DLD: variants seen among roughly 807,000 people sequenced by gnomAD.
The protein encoded by DLD is dihydrolipoyl dehydrogenase, mitochondrial.
Under a neutral mutation model 62.2 loss-of-function variants are expected in DLD, and 36 were observed. The ratio of observed to expected loss-of-function variants is 0.58; its 90% CI spans 0.44 to 0.76. The LOEUF is 0.76. Among genes scored for constraint, DLD ranks in the 30% least tolerant of loss-of-function variants. The pLI is 0.00. For synonymous variants in DLD, 204 were observed against 199.6 expected (o/e 1.02, Z -0.19); for missense variants, 541 against 608.6 (o/e 0.89, Z 1.17).
At chr7:107,902,440 C>T in intron 4 of DLD, 47 bp downstream of exon 4, 2 of 1,517,258 alleles carry the variant, frequency 1.3e-6, no homozygotes, top group East Asian at 2.3e-5. Context: ...TGGCTAGCAA[C>T]CAACTAGAAG....
At chr7:107,906,390 CTTA>C in intron 8 of DLD, 22 bp downstream of exon 8, 1 of 1,461,088 alleles carries the variant, frequency 6.8e-7, no homozygotes, top group South Asian at 1.1e-5. Context: ...CTTTCTGCCT[CTTA>C]TTACCTCCTT....
chr7:107,906,038 A>G (rs1414836327), intron 7 of DLD, among the ~76,000 whole-genome samples: 1 of 152,158 alleles, frequency 6.6e-6, no homozygotes, highest in African/African-American at 2.4e-5. Context: ...TATAATACCT[A>G]ATACACTGTA....
Position 107,918,990 on chromosome 7 carries a change from C to T in DLD, c.1375-20C>T. On this transcript the variant is annotated intron_variant, in intron 12 of 13. Coordinates refer to ENST00000205402, the MANE Select transcript of DLD (RefSeq NM_000108.5). ...AGTTTTTGCCTTGGAAGCAAATTTA[C>T]TTGGCTTGTTATTTTAAAGGGTGCT... The T allele has an allele frequency of 6.2e-7, 1 of 1,610,152 alleles. No homozygotes were observed. Among genetic ancestry groups the T allele is most frequent in the Non-Finnish European group, 8.5e-7 (1 of 1,176,522 alleles).
At chr7:107,893,518 A>G in intron 2 of DLD, 1 of 351,776 alleles carries the variant, frequency 2.8e-6, no homozygotes, top group Non-Finnish European at 5.2e-6. Context: ...ATATATAAGT[A>G]ATGGATAAAT....
intron 2 of DLD, 55 bp downstream of exon 2, chr7:107,893,333 A>G (rs1363688853): frequency 3.0e-5 from 40 of 1,325,424 alleles, no homozygotes; most frequent in Non-Finnish European, 4.2e-5. Context: ...GTTCCTTTCT[A>G]TTTCAATGTA....
chr7:107,903,458 A>G lies in DLD; in HGVS notation c.268-20A>G. 7.1e-7 allele frequency: 1 copy of G among 1,409,788 alleles called. No individual in the cohort carries two copies. The highest frequency in any genetic ancestry group is 1.0e-6 in the Non-Finnish European group (1 of 995,840). 87.3% of individuals were successfully genotyped at this position (1,409,788 alleles called of 1,614,324 possible). The stretch of plus-strand genomic sequence containing the variant: ...CTGTTTATGAATATTTGATAATTTG[A>G]TCTTTTTAATTTCCTTTAGGCTTTA... On this transcript the variant is annotated intron_variant, in intron 4 of 13. Coordinates refer to ENST00000205402, the MANE Select transcript of DLD (RefSeq NM_000108.5).
intron 5 of DLD, 185 bp from the exon 6 acceptor site, chr7:107,904,773 T>A: frequency 3.0e-6 from 2 of 663,212 alleles, no homozygotes; most frequent in Admixed American, 4.1e-5. Flanking sequence ...GTTTGATAGG[T>A]TCTGTTTCTG....
intron 8 of DLD, 119 bp downstream of exon 8, chr7:107,906,487 C>G (rs1213085002): frequency 2.8e-6 from 2 of 707,552 alleles, no homozygotes; most frequent in Non-Finnish European, 5.2e-6. Flanking sequence ...TGCTTAAACA[C>G]TTCTAGTAAT....
chr7:107,906,333 G>C lies in DLD; in HGVS notation c.649G>C (p.Val217Leu), dbSNP rs761089387. 7.4e-6 allele frequency: 12 copies of C among 1,611,126 alleles called. No individual in the cohort carries two copies. Among genetic ancestry groups the C allele is most frequent in the Non-Finnish European group, 1.0e-5 (12 of 1,177,532 alleles). The change falls in exon 8 of 14, where the codon GTT becomes CTT. Residue 217 changes from valine (V) to leucine (L), a missense_variant. Transcript: ENST00000205402. ...TTTAAAAAAAGTTCCAGAAAAGATG[G>C]TTGTTATTGGTGCAGGAGTAATAGG... ...LSLKKVPEKM[V>L]VIGAGVIGVE...
In DLD at chr7:107,915,714, G is replaced by T; in HGVS notation, c.875+18G>T. 1 of 1,604,828 alleles carries T rather than the reference G, an allele frequency of 6.2e-7. No homozygotes were observed. The highest frequency in any genetic ancestry group is 1.3e-5 in the African/African-American group (1 of 74,864). On this transcript the variant is annotated intron_variant, in intron 9 of 13. Coordinates refer to ENST00000205402, the MANE Select transcript of DLD (RefSeq NM_000108.5). ...GATGTTTCGTAAGTATACATCATTT[G>T]TTTTTGATGTATCATCCCTGTCTCT...
intron 5 of DLD, 38 bp downstream of exon 5, chr7:107,903,585 T>G (rs1286574676): frequency 7.9e-7 from 1 of 1,260,160 alleles, no homozygotes; most frequent in Non-Finnish European, 1.2e-6. Flanking sequence ...ATTACCAGAC[T>G]GCTTGACTTG....
chr7:107,893,367 CTTATG>C (rs1222129683), intron 2 of DLD, 89 bp downstream of exon 2: 5 of 986,366 alleles, frequency 5.1e-6, no homozygotes, highest in Non-Finnish European at 7.7e-6. Flanking sequence ...ATTGGAATAA[CTTATG>C]TTAAGTGTCT....
In DLD at chr7:107,891,227, C is replaced by A. The variant is rs779032574; in HGVS notation, c.-24C>A. 2.4e-5 allele frequency: 39 copies of A among 1,613,936 alleles called. No homozygotes were observed. The highest frequency in any genetic ancestry group is 3.3e-5 in the Non-Finnish European group (39 of 1,179,854). ...CGCCCAGCGGAGGTGAAAGTATTGG[C>A]GGAAAGGAAAATACAGCGGAAAAAT... On this transcript the variant is annotated 5_prime_UTR_variant, in exon 1 of 14. Coordinates refer to ENST00000205402, the MANE Select transcript of DLD (RefSeq NM_000108.5).
intron 5 of DLD, chr7:107,904,527 T>C (rs2031955707): frequency 5.5e-6 from 2 of 363,072 alleles, no homozygotes; most frequent in South Asian, 4.4e-5. Context: ...TTAAACTTTT[T>C]AATGTTAAGC....
At chr7:107,903,312 A>T (rs796236949) in intron 4 of DLD, among the ~76,000 whole-genome samples, 166 bp from the exon 5 acceptor site, 52 of 152,294 alleles carry the variant, frequency 3.4e-4, no homozygotes, top group African/African-American at 1.2e-3. Context: ...CGGGAGGCGG[A>T]GGTTGCGGTG....
At chr7:107,897,922 C>A (rs1024222553) in intron 2 of DLD, among the ~76,000 whole-genome samples, 4 of 152,080 alleles carry the variant, frequency 2.6e-5, no homozygotes, top group Admixed American at 6.5e-5. Flanking sequence ...TAACACAATA[C>A]CTTTATTTCA....
chr7:107,907,546 C>G (rs1352906776), intron 8 of DLD, among the ~76,000 whole-genome samples: 3 of 152,172 alleles, frequency 2.0e-5, no homozygotes, highest in Non-Finnish European at 2.9e-5. Context: ...GTTGTTACAC[C>G]TATCCTTTTG....
intron 5 of DLD, 173 bp downstream of exon 5, chr7:107,903,720 G>A: frequency 4.1e-6 from 2 of 483,504 alleles, no homozygotes; most frequent in Non-Finnish European, 7.5e-6. Context: ...CCTAAATCCA[G>A]ATTTCTCCCA....
chr7:107,902,085 A>T (rs1199304451), intron 3 of DLD, among the ~76,000 whole-genome samples: 1 of 151,494 alleles, frequency 6.6e-6, no homozygotes, highest in African/African-American at 2.5e-5. Context: ...TAGAACTAAA[A>T]GCATATATTT....
Sources: gnomAD v4.1 joint callset for allele counts (sites outside exome capture counted in the v4.1 genomes callset) on GRCh38, gnomAD v4.1.1 for gene constraint, MANE v1.5 for transcripts, NCBI Gene and HGNC (gene_info 2026-07-23, HGNC 2026-07-21) for gene names.